Variants in MAP4K3 observed in about 807,000 individuals in gnomAD.
The protein encoded by MAP4K3 is mitogen-activated protein kinase kinase kinase kinase 3.
In MAP4K3, 94 loss-of-function variants were observed where a neutral mutation model predicts 143.5. That is an observed-to-expected ratio of 0.65 (90% CI 0.55 to 0.78). The LOEUF is 0.78. MAP4K3 is among the 30% of genes least tolerant of loss of function. The pLI, the probability that MAP4K3 is intolerant of heterozygous loss-of-function variation, is 0.00. For synonymous variants in MAP4K3, 416 were observed against 347.2 expected, an observed-to-expected ratio of 1.20 and a Z score of -2.20; for missense variants, 1,077 against 1,068.1, an observed-to-expected ratio of 1.01 and a Z score of -0.12.
chr2:39,393,146 G>A (rs926079660), intron 1 of MAP4K3, among the ~76,000 whole-genome samples: 1 of 152,156 alleles, frequency 6.6e-6, no homozygotes, highest in Non-Finnish European at 1.5e-5. Context: ...TTTGTTTTGA[G>A]TTGGAGAAAC....
At chr2:39,391,107 G>A (rs1174605324) in intron 1 of MAP4K3, among the ~76,000 whole-genome samples, 2 of 152,064 alleles carry the variant, frequency 1.3e-5, no homozygotes, top group Non-Finnish European at 1.5e-5. Context: ...TGTAATCCCA[G>A]CACTTTGGGA....
At chr2:39,299,143 T>C (rs933310479) in intron 16 of MAP4K3, among the ~76,000 whole-genome samples, 3 of 152,186 alleles carry the variant, frequency 2.0e-5, no homozygotes, top group African/African-American at 4.8e-5. Context: ...TCTCCCATCA[T>C]ACCTGGCAAA....
chr2:39,315,871 T>C (rs187505511), intron 12 of MAP4K3, among the ~76,000 whole-genome samples: 1 of 152,300 alleles, frequency 6.6e-6, no homozygotes, highest in East Asian at 1.9e-4. Context: ...TTTCAATTTA[T>C]GAATTTTTTT....
At chr2:39,377,211 T>A (rs1433990086) in intron 2 of MAP4K3, among the ~76,000 whole-genome samples, 4 of 149,892 alleles carry the variant, frequency 2.7e-5, no homozygotes, top group Non-Finnish European at 5.9e-5. Flanking sequence ...CTTTTTTTTT[T>A]TTTTAAACAG....
intron 23 of MAP4K3, 60 bp downstream of exon 23, chr2:39,280,212 C>T (rs1681457032): frequency 3.2e-6 from 3 of 946,654 alleles, no homozygotes; most frequent in South Asian, 2.4e-5. Flanking sequence ...ATCACAAATG[C>T]TTTCATGGCC....
intron 32 of MAP4K3, among the ~76,000 whole-genome samples, chr2:39,252,756 A>G (rs1211242617): frequency 6.6e-6 from 1 of 152,246 alleles, no homozygotes; most frequent in Non-Finnish European, 1.5e-5. Context: ...TAGATTTTCT[A>G]GAAACACTAA....
intron 1 of MAP4K3, among the ~76,000 whole-genome samples, chr2:39,413,479 G>C (rs1667286141): frequency 6.6e-6 from 1 of 152,058 alleles, no homozygotes; most frequent in South Asian, 2.1e-4. Context: ...GTATTGCTGA[G>C]AAAAACAAGC....
At chr2:39,409,776 ATC>A (rs929303415) in intron 1 of MAP4K3, among the ~76,000 whole-genome samples, 4 of 152,248 alleles carry the variant, frequency 2.6e-5, no homozygotes, top group Non-Finnish European at 4.4e-5. Context: ...TCTACATGGA[ATC>A]TCTGTTTATG....
intron 1 of MAP4K3, among the ~76,000 whole-genome samples, chr2:39,435,403 A>G (rs750155730): frequency 2.1e-4 from 32 of 152,320 alleles, no homozygotes; most frequent in Middle Eastern, 3.4e-3. Context: ...CTCAGGCTAT[A>G]CAGGCCTTCT....
intron 28 of MAP4K3, chr2:39,261,184 A>T (rs1050282816): frequency 2.6e-5 from 4 of 154,684 alleles, no homozygotes; most frequent in African/African-American, 7.2e-5. Flanking sequence ...CATGGATGAG[A>T]GAAGTGAAAT....
intron 1 of MAP4K3, chr2:39,436,528 C>T: frequency 4.3e-6 from 1 of 231,958 alleles, no homozygotes; most frequent in Non-Finnish European, 8.6e-6. Context: ...AACACCAGAC[C>T]CCTGCTGTCC....
intron 1 of MAP4K3, among the ~76,000 whole-genome samples, chr2:39,405,678 G>A (rs1667074753): frequency 6.6e-6 from 1 of 152,108 alleles, no homozygotes; most frequent in African/African-American, 2.4e-5. Context: ...GACCAGCTTG[G>A]GCAACGTGTT....
At chr2:39,391,806 A>C (rs1271972550) in intron 1 of MAP4K3, among the ~76,000 whole-genome samples, 1 of 152,072 alleles carries the variant, frequency 6.6e-6, no homozygotes, top group Non-Finnish European at 1.5e-5. Context: ...CAACCTACCA[A>C]CCTGGCATTT....
intron 1 of MAP4K3, among the ~76,000 whole-genome samples, chr2:39,424,739 G>T (rs1665010242): frequency 6.7e-6 from 1 of 148,692 alleles, no homozygotes; most frequent in African/African-American, 2.5e-5. Context: ...GCTGAGGTGA[G>T]AGAATCACTT....
In MAP4K3 at chr2:39,356,448, A is replaced by C. The variant is rs1665613597; in HGVS notation, c.155-109T>G. ...ACGTATTAATAAGTATAACATAATT[A>C]ATGAGTTATAAATAAAACATAGCCA... On this transcript the variant is annotated intron_variant, in intron 2 of 33. Coordinates refer to ENST00000263881, the MANE Select transcript of MAP4K3 (RefSeq NM_003618.4). 3.1e-6 allele frequency: 2 copies of C among 642,724 alleles called. 1 individual carries two copies. The highest frequency in any genetic ancestry group is 5.5e-6 in the Non-Finnish European group (2 of 365,060). 39.8% of individuals were successfully genotyped at this position (642,724 alleles called of 1,614,324 possible). A position where few individuals can be genotyped will look rare whatever the true frequency, so the allele number is the denominator to read the frequency against.
chr2:39,437,008 C>G lies in MAP4K3; in HGVS notation c.-21G>C, dbSNP rs1048710376. 2 of 1,601,320 alleles carry G rather than the reference C, an allele frequency of 1.2e-6. No homozygotes were observed. Among genetic ancestry groups the G allele is most frequent in the Non-Finnish European group, 1.7e-6 (2 of 1,172,928 alleles). ...TTCATGGCGGGCCCCAGGTGCCCCC[C>G]GCCTCCCTCCCGGGCAGGGGAGGGG... On this transcript the variant is annotated 5_prime_UTR_variant, in exon 1 of 34. Transcript: ENST00000263881.
chr2:39,333,653 T>C, intron 6 of MAP4K3, 79 bp from the exon 7 acceptor site: 1 of 736,230 alleles, frequency 1.4e-6, no homozygotes, highest in Admixed American at 2.5e-5. Context: ...ATATACATAT[T>C]TAAAATAATC....
At chr2:39,356,690 T>C (rs974701942) in intron 2 of MAP4K3, among the ~76,000 whole-genome samples, 1 of 152,200 alleles carries the variant, frequency 6.6e-6, no homozygotes, top group African/African-American at 2.4e-5. Context: ...ATAGGAATGT[T>C]GTAAGGGTTA....
Position 39,309,535 on chromosome 2 carries a change from A to T in MAP4K3, c.998-16T>A. The T allele has an allele frequency of 6.9e-7, 1 of 1,450,940 alleles. No homozygotes were observed. The highest frequency in any genetic ancestry group is 9.5e-7 in the Non-Finnish European group (1 of 1,052,770). The allele number at this position is 1,450,940 out of a possible 1,614,324, so 89.9% of individuals were successfully genotyped here. Reference sequence around the variant, plus strand: ...ACTTGGCCAACTAAAAAAGAAAAAAAAGTAAAACCAGGATTTTTTTTTTTT... The same window carrying T: ...ACTTGGCCAACTAAAAAAGAAAAAATAGTAAAACCAGGATTTTTTTTTTTT... On this transcript the variant is annotated splice_polypyrimidine_tract_variant and intron_variant, in intron 13 of 33. Coordinates refer to ENST00000263881, the MANE Select transcript of MAP4K3 (RefSeq NM_003618.4).
Sources: gnomAD v4.1 joint callset for allele counts (sites outside exome capture counted in the v4.1 genomes callset) on GRCh38, gnomAD v4.1.1 for gene constraint, MANE v1.5 for transcripts, NCBI Gene and HGNC (gene_info 2026-07-23, HGNC 2026-07-21) for gene names.